SLC6A3: variants seen among roughly 807,000 people sequenced by gnomAD.
The protein encoded by SLC6A3 is solute carrier family 6 member 3.
Under a neutral mutation model 70.4 loss-of-function variants are expected in SLC6A3, and 19 were observed. That is an observed-to-expected ratio of 0.27 (90% CI 0.19 to 0.40). SLC6A3 has a LOEUF of 0.40. Ranked by LOEUF, SLC6A3 falls within the 10% of genes least tolerant of loss-of-function variation. The pLI is 1.00. For missense variants in SLC6A3, 613 were observed against 838.5 expected (o/e 0.73, Z 3.32); for synonymous variants, 368 against 356.6 (o/e 1.03, Z -0.36).
rs28382219 is a variant in SLC6A3 at position 1,443,648 on chromosome 5, A to C, written c.-45-406T>G. 5.0e-4 allele frequency among the ~76,000 whole-genome samples: 76 copies of C among 152,208 alleles called. 2 individuals carry two copies. In the East Asian group the frequency reaches 0.012, roughly 24 times the overall value. On this transcript the variant is annotated intron_variant, in intron 1 of 14. Transcript: ENST00000270349. ...TCTAAGAGCATTCAATAATGTCTTC[A>C]TGACTGTTCATCTGTATTCTTTTTT...
At chr5:1,409,944 G>T (rs149715365) in intron 9 of SLC6A3, 95 bp from the exon 10 acceptor site, 1 of 1,509,976 alleles carries the variant, frequency 6.6e-7, no homozygotes, top group Admixed American at 1.7e-5. Context: ...ACGCACACCC[G>T]GGGATGGACA....
rs1487150744 is a variant in SLC6A3, at chr5:1,411,201, C to A, written c.1269+42G>T. The A allele has an allele frequency of 1.1e-5, 15 of 1,413,348 alleles. No homozygotes were observed. The highest frequency in any genetic ancestry group is 1.7e-4 in the Middle Eastern group (1 of 5,730). 87.6% of individuals were successfully genotyped at this position (1,413,348 alleles called of 1,614,324 possible). On this transcript the variant is annotated intron_variant, in intron 9 of 14. Transcript: ENST00000270349. The surrounding 1 kb of genome is among the most constrained non-coding windows in gnomAD (Gnocchi z 6.5). ...GCAGGGCCCCCTCGGGTGGAAGGAA[C>A]CCAACTGCCGAGGACAGGGCCGGGC...
At chr5:1,441,534 C>G in intron 2 of SLC6A3, 44 bp from the exon 3 acceptor site, 1 of 1,605,094 alleles carries the variant, frequency 6.2e-7, no homozygotes. Flanking sequence ...CTCGGAAGGG[C>G]CCATCTCTCC....
In SLC6A3 at chr5:1,422,018, C is replaced by T. The variant is rs1399908562; in HGVS notation, c.654-4G>A. On this transcript the variant is annotated splice_polypyrimidine_tract_variant and splice_region_variant and intron_variant, in intron 4 of 14. Transcript: ENST00000270349. ...GTGGAGGTGCAGCACGCCACGTCTG[C>T]AGAGGGGAGTCAGCGGGGGACTCTG... 14 of 1,610,654 alleles carry T rather than the reference C, an allele frequency of 8.7e-6. No homozygotes were observed. The highest frequency in any genetic ancestry group is 1.1e-5 in the Non-Finnish European group (13 of 1,179,764).
At chr5:1,425,045 G>A (rs1004988571) in intron 4 of SLC6A3, among the ~76,000 whole-genome samples, 3 of 152,352 alleles carry the variant, frequency 2.0e-5, no homozygotes, top group Admixed American at 2.0e-4. Context: ...ACGTGCAGGT[G>A]TTTCATAAGC....
chr5:1,428,987 A>G (rs940608696), intron 4 of SLC6A3, among the ~76,000 whole-genome samples: 1 of 152,238 alleles, frequency 6.6e-6, no homozygotes, highest in African/African-American at 2.4e-5. Flanking sequence ...TTTACTGACA[A>G]AGTCAGGCAT....
rs72763596 is a variant in SLC6A3, at chr5:1,429,691, G to T, written c.653+2773C>A. On this transcript the variant is annotated intron_variant, in intron 4 of 14. Transcript: ENST00000270349. ...ACTTGGCAGCTTTAACAGGGCGTTG[G>T]GTACCGGGAACTCTCAGGCTCTTGC... 5.4e-4 allele frequency among the ~76,000 whole-genome samples: 83 copies of T among 152,320 alleles called. No individual in the cohort carries two copies. In the Middle Eastern group the frequency reaches 0.01, roughly 19 times the overall value.
At chr5:1,398,630 T>C (rs1322101240) in intron 14 of SLC6A3, among the ~76,000 whole-genome samples, 2 of 152,212 alleles carry the variant, frequency 1.3e-5, no homozygotes, top group Non-Finnish European at 2.9e-5. Flanking sequence ...GACACTTAAA[T>C]CTTAAGGTTA....
rs1733695036 is a variant in SLC6A3, at chr5:1,442,377, G to T, written c.286+535C>A. On this transcript the variant is annotated intron_variant, in intron 2 of 14. Coordinates refer to ENST00000270349, the MANE Select transcript of SLC6A3 (RefSeq NM_001044.5). This position sits in a 1 kb window ranked among gnomAD's most constrained non-coding sequence, Gnocchi z 5.0. Reference sequence around the variant, plus strand: ...GCAGGGAGGCTGGGAGGCCCAAAGAGGCTCCTGGGAAGGGATCACCAATGT... The same window carrying T: ...GCAGGGAGGCTGGGAGGCCCAAAGATGCTCCTGGGAAGGGATCACCAATGT... Among the ~76,000 whole-genome samples, 1 of 152,130 alleles carries T rather than the reference G, an allele frequency of 6.6e-6. No homozygotes were observed. Among genetic ancestry groups the T allele is most frequent in the African/African-American group, 2.4e-5 (1 of 41,416 alleles).
In SLC6A3 at chr5:1,436,559, T is replaced by C. The variant is rs1756840700; in HGVS notation, c.419-3861A>G. 6.6e-6 allele frequency among the ~76,000 whole-genome samples: 1 copy of C among 152,246 alleles called. No homozygotes were observed. The highest frequency in any genetic ancestry group is 6.5e-5 in the Admixed American group (1 of 15,292). On this transcript the variant is annotated intron_variant, in intron 3 of 14. Transcript: ENST00000270349. This position sits in a 1 kb window ranked among gnomAD's most constrained non-coding sequence, Gnocchi z 5.2. Reference sequence around the variant, plus strand: ...TTTAAGGCCCATTTCCTTAAATTTATTTTTGCTTAGTATCTTTTTCTTTAT... The same window carrying C: ...TTTAAGGCCCATTTCCTTAAATTTACTTTTGCTTAGTATCTTTTTCTTTAT...
At position 1,437,007 on chromosome 5, in the gene SLC6A3, T is replaced by C. The variant is rs895746104; in HGVS notation, c.419-4309A>G. ...TGGCTCACTCCTGTAATCCCAGCAC[T>C]TTGGGAGGCCAAGGCAGGCGGATCA... is the stretch of plus-strand genomic sequence containing the variant. On this transcript the variant is annotated intron_variant, in intron 3 of 14. Coordinates refer to ENST00000270349, the MANE Select transcript of SLC6A3 (RefSeq NM_001044.5). The surrounding 1 kb of genome is among the most constrained non-coding windows in gnomAD (Gnocchi z 4.8). Among the ~76,000 whole-genome samples the C allele has an allele frequency of 6.6e-6, 1 of 152,118 alleles. No individual in the cohort carries two copies. Among genetic ancestry groups the C allele is most frequent in the African/African-American group, 2.4e-5 (1 of 41,406 alleles).
chr5:1,398,743 C>T (rs1042064942), intron 14 of SLC6A3, among the ~76,000 whole-genome samples: 3 of 152,148 alleles, frequency 2.0e-5, no homozygotes, highest in African/African-American at 7.2e-5. Context: ...ACTTTAAGAC[C>T]AAAAGCATCA....
chr5:1,417,431 C>G (rs1411764763), intron 6 of SLC6A3, among the ~76,000 whole-genome samples: 2 of 152,228 alleles, frequency 1.3e-5, no homozygotes, highest in Non-Finnish European at 2.9e-5. Flanking sequence ...CCAGCAATGC[C>G]TGCTTTGTAT....
intron 4 of SLC6A3, among the ~76,000 whole-genome samples, chr5:1,426,994 T>A (rs2126383109): frequency 6.6e-6 from 1 of 152,244 alleles, no homozygotes. Context: ...TACTTTTGTG[T>A]AAAGCCCAAG....
chr5:1,410,946 G>A (rs997019046), intron 9 of SLC6A3, among the ~76,000 whole-genome samples: 11 of 147,744 alleles, frequency 7.4e-5, no homozygotes, highest in South Asian at 2.1e-4. Flanking sequence ...ATGTGTGTGC[G>A]TGTATGTGTG....
chr5:1,409,122 C>T lies in SLC6A3; in HGVS notation c.1402G>A (p.Gly468Ser), dbSNP rs1338596075. ...TCCAGGAGCGTGAAGACGTAGATGC[C>T]ACCCTGGAAGAGAGGGGAGCCTGTG... is the stretch of plus-strand genomic sequence containing the variant. ...LLSLFCVTNG[G>S]IYVFTLLDHF... Residue 468 changes from glycine (G) to serine (S), a missense_variant, in exon 11 of 15, where the codon GGC (glycine) becomes AGC (serine). Gly to Ser is a moderately conservative substitution (Grantham distance 56). Coordinates refer to ENST00000270349, the MANE Select transcript of SLC6A3 (RefSeq NM_001044.5). 1 of 1,607,786 alleles carries T rather than the reference C, an allele frequency of 6.2e-7. No homozygotes were observed. Among genetic ancestry groups the T allele is most frequent in the Non-Finnish European group, 8.5e-7 (1 of 1,177,038 alleles).
At position 1,393,192 on chromosome 5, in the gene SLC6A3, A is replaced by G. The variant is rs1755622209; in HGVS notation, c.*1543T>C. ...CCACGTCCACTTGCAGGGGACAGCC[A>G]TGACTGGCCCTGCACGGCCCCTGCC... On this transcript the variant is annotated 3_prime_UTR_variant, in exon 15 of 15. Coordinates refer to ENST00000270349, the MANE Select transcript of SLC6A3 (RefSeq NM_001044.5). 6.6e-6 allele frequency: 1 copy of G among 152,158 alleles called. No individual in the cohort carries two copies. Among genetic ancestry groups the G allele is most frequent in the Admixed American group, 6.5e-5 (1 of 15,274 alleles). 9.4% of individuals were successfully genotyped at this position (152,158 alleles called of 1,614,324 possible).
At chr5:1,430,802 C>CTCCCGCCTGGCTGTTCCTATCACT (rs1579721521) in intron 4 of SLC6A3, among the ~76,000 whole-genome samples, 2 of 152,246 alleles carry the variant, frequency 1.3e-5, no homozygotes, top group Admixed American at 6.5e-5. Flanking sequence ...CTCTGCTCAC[C>CTCCCGCCTGGCTGTTCCTATCACT]GTGACTTGTA....
In SLC6A3 at chr5:1,414,490, G is replaced by GGCAGGGAAGGGAAGGCGC. The variant is rs1560913028; in HGVS notation, c.1156+200_1156+201insGCGCCTTCCCTTCCCTGC. Among the ~76,000 whole-genome samples the GGCAGGGAAGGGAAGGCGC allele has an allele frequency of 1.2e-4, 17 of 139,286 alleles. 2 individuals are homozygous for GGCAGGGAAGGGAAGGCGC. Among genetic ancestry groups the GGCAGGGAAGGGAAGGCGC allele is most frequent in the South Asian group, 4.6e-4 (2 of 4,370 alleles). 91.4% of individuals were successfully genotyped at this position (139,286 alleles called of 152,430 possible). ...AGGCGCTGGGTGGGGGGCCTGGAGG[G>GGCAGGGAAGGGAAGGCGC]TCAGGGCGGGGAAGGCGCTGGGTGG... On this transcript the variant is annotated intron_variant, in intron 8 of 14. Coordinates refer to ENST00000270349, the MANE Select transcript of SLC6A3 (RefSeq NM_001044.5).
Sources: gnomAD v4.1 joint callset for allele counts (sites outside exome capture counted in the v4.1 genomes callset) on GRCh38, gnomAD v4.1.1 for gene constraint, Gnocchi (gnomAD v3.1) non-coding constraint, MANE v1.5 for transcripts, NCBI Gene and HGNC (gene_info 2026-07-23, HGNC 2026-07-21) for gene names.